CELF2: variants seen among roughly 807,000 people sequenced by gnomAD.
The protein encoded by CELF2 is CUG triplet repeat RNA-binding protein 2.
Under a neutral mutation model 62.6 loss-of-function variants are expected in CELF2, and 8 were observed. The observed-to-expected ratio is 0.13, with a 90% CI of 0.07 to 0.23. CELF2 has a LOEUF of 0.23. Among genes scored for constraint, CELF2 ranks in the 10% least tolerant of loss-of-function variants. The pLI is 1.00. For synonymous variants in CELF2, 258 were observed against 250.0 expected (o/e 1.03, Z -0.30); for missense variants, 333 against 671.0 (o/e 0.50, Z 5.56).
At chr10:10,647,678 C>T in the CELF2 span, among the ~76,000 whole-genome samples, 1 of 152,136 alleles carries the variant, frequency 6.6e-6, no homozygotes, top group South Asian at 2.1e-4. Flanking sequence ...GAAATAGTCC[C>T]CAAAATCAGG....
chr10:10,922,183 C>A (rs1024291677), intron 2 of CELF2, among the ~76,000 whole-genome samples: 2 of 151,958 alleles, frequency 1.3e-5, no homozygotes, highest in Non-Finnish European at 2.9e-5. Context: ...CTTTGGATAA[C>A]GTCCCAAAGA....
chr10:10,512,328 A>G, the CELF2 span, among the ~76,000 whole-genome samples: 1 of 151,658 alleles, frequency 6.6e-6, no homozygotes, highest in East Asian at 1.9e-4. Context: ...AAAAGAATGA[A>G]TTCTCTACTG....
At chr10:10,916,060 C>T (rs1055701316) in intron 1 of CELF2, among the ~76,000 whole-genome samples, 6 of 152,220 alleles carry the variant, frequency 3.9e-5, no homozygotes, top group Non-Finnish European at 8.8e-5. Context: ...TGGGTTATGA[C>T]AGAGCATAAT....
chr10:10,559,685 A>C, the CELF2 span, among the ~76,000 whole-genome samples: 1 of 152,206 alleles, frequency 6.6e-6, no homozygotes, highest in African/African-American at 2.4e-5. Flanking sequence ...ATTGTAAGTC[A>C]TCTACATCTC....
At chr10:11,303,867 T>A (rs867517403) in intron 9 of CELF2, among the ~76,000 whole-genome samples, 2 of 152,204 alleles carry the variant, frequency 1.3e-5, no homozygotes, top group Non-Finnish European at 2.9e-5. Flanking sequence ...CTGAGAGTTG[T>A]GTGACCTTCC....
At chr10:11,168,018 C>G (rs2067742011) in intron 2 of CELF2, among the ~76,000 whole-genome samples, 1 of 152,178 alleles carries the variant, frequency 6.6e-6, no homozygotes, top group South Asian at 2.1e-4. Context: ...CAGAGTAGCC[C>G]TGGTGTGCTG....
At position 10,880,526 on chromosome 10, in the gene CELF2, A is replaced by G. The variant is rs536951337; in HGVS notation, c.54-39438A>G. ...TCTTTTTCGGACTGACTCTTACCCG[A>G]GAATCCTTCAAGTGAGATTTGGGGT... On this transcript the variant is annotated intron_variant, in intron 1 of 13. Transcript: ENST00000636488. Among the ~76,000 whole-genome samples the G allele has an allele frequency of 1.8e-4, 28 of 152,316 alleles. No homozygotes were observed. In the South Asian group the frequency reaches 5.4e-3, roughly 29 times the overall value.
At chr10:11,016,629 G>A (rs1423324154), upstream of CELF2, among the ~76,000 whole-genome samples, 2 of 152,162 alleles carry the variant, frequency 1.3e-5, no homozygotes, top group African/African-American at 4.8e-5. This position sits in a 1 kb window ranked among gnomAD's most constrained non-coding sequence, Gnocchi z 5.2. Context: ...TCTATATCAT[G>A]TCTGATACAT....
At chr10:10,799,949 C>T (rs2054491783) in intron 1 of CELF2, among the ~76,000 whole-genome samples, 1 of 152,188 alleles carries the variant, frequency 6.6e-6, no homozygotes, top group Admixed American at 6.5e-5. Context: ...AACATGGCTT[C>T]ATAGGAGCTA....
chr10:10,964,052 A>G (rs1446992102), intron 2 of CELF2, among the ~76,000 whole-genome samples: 1 of 152,252 alleles, frequency 6.6e-6, no homozygotes, highest in Non-Finnish European at 1.5e-5. Flanking sequence ...TAGAATAGAT[A>G]TTATATTAGT....
At chr10:11,094,659 T>G (rs1411015662) in intron 1 of CELF2, among the ~76,000 whole-genome samples, 1 of 152,186 alleles carries the variant, frequency 6.6e-6, no homozygotes, top group East Asian at 1.9e-4. Flanking sequence ...TTTTTAAAGG[T>G]AGAAAAGAGT....
At chr10:11,091,116 T>A (rs889723515) in intron 1 of CELF2, among the ~76,000 whole-genome samples, 1 of 152,214 alleles carries the variant, frequency 6.6e-6, no homozygotes, top group Non-Finnish European at 1.5e-5. Context: ...CATAAAGCAG[T>A]AAGCCTATGG....
At chr10:10,691,191 G>A in the CELF2 span, among the ~76,000 whole-genome samples, 20 of 150,712 alleles carry the variant, frequency 1.3e-4, no homozygotes, top group African/African-American at 4.4e-4. Context: ...AGAGTGTGAT[G>A]TTCCCCTTCC....
intron 7 of CELF2, among the ~76,000 whole-genome samples, chr10:11,272,667 G>A (rs965886743): frequency 7.2e-5 from 11 of 152,174 alleles, no homozygotes; most frequent in Non-Finnish European, 1.6e-4. Flanking sequence ...TTCTCACTAC[G>A]TTTCCCTCTG....
At chr10:11,087,830 G>C (rs953259239) in intron 1 of CELF2, among the ~76,000 whole-genome samples, 7 of 152,112 alleles carry the variant, frequency 4.6e-5, no homozygotes, top group African/African-American at 1.7e-4. Context: ...TTTTACCTGC[G>C]GTGAAGTAGT....
At chr10:11,021,998 A>G (rs2058393591) in intron 1 of CELF2, among the ~76,000 whole-genome samples, 1 of 152,216 alleles carries the variant, frequency 6.6e-6, no homozygotes. Context: ...TTTGGTTTAC[A>G]AGGTTCCAGC....
intron 2 of CELF2, among the ~76,000 whole-genome samples, chr10:11,212,538 C>G (rs1221312080): frequency 6.6e-6 from 1 of 152,126 alleles, no homozygotes; most frequent in Non-Finnish European, 1.5e-5. Flanking sequence ...TTTTTGTAGT[C>G]AACAGAAGAA....
rs1189314434 is a variant in CELF2, at chr10:10,906,714, TTTC to T, written c.54-13247_54-13245del. 6.4e-5 allele frequency among the ~76,000 whole-genome samples: 6 copies of T among 93,904 alleles called. No individual in the cohort carries two copies. In the East Asian group the frequency reaches 2.0e-3, roughly 31 times the overall value. The allele number at this position is 93,904 out of a possible 152,430, so 61.6% of individuals were successfully genotyped here. On this transcript the variant is annotated intron_variant, in intron 1 of 13. Coordinates refer to the CELF2 transcript ENST00000636488. ...AACATACCTTTCTTTTTCTTTTTCT[TTTC>T]TTTTTTTTTTTTTTTTTTTTGAAAC...
chr10:10,538,527 T>G, the CELF2 span, among the ~76,000 whole-genome samples: 4 of 152,178 alleles, frequency 2.6e-5, no homozygotes, highest in Non-Finnish European at 5.9e-5. Context: ...CTCCTGGCTT[T>G]AAGCCATTAT....
Sources: gnomAD v4.1 joint callset for allele counts (sites outside exome capture counted in the v4.1 genomes callset) on GRCh38, gnomAD v4.1.1 for gene constraint, Gnocchi (gnomAD v3.1) non-coding constraint, MANE v1.5 for transcripts, NCBI Gene and HGNC (gene_info 2026-07-23, HGNC 2026-07-21) for gene names.